Variants in PKP1 observed in about 807,000 individuals in gnomAD.
PKP1 encodes plakophilin-1.
Under a neutral mutation model 76.4 loss-of-function variants are expected in PKP1, and 27 were observed. That is an observed-to-expected ratio of 0.35 (90% CI 0.26 to 0.49). The LOEUF (loss-of-function observed/expected upper bound fraction) is 0.49. Ranked by LOEUF, PKP1 falls within the 20% of genes least tolerant of loss-of-function variation. The pLI, the probability that PKP1 is intolerant of heterozygous loss-of-function variation, is 0.99. For synonymous variants in PKP1, 404 were observed against 384.2 expected (o/e 1.05, Z -0.60); for missense variants, 964 against 955.2 (o/e 1.01, Z -0.12).
Position 201,317,653 on chromosome 1 carries a change from G to C in PKP1, c.928G>C (p.Ala310Pro). 3.1e-6 allele frequency: 5 copies of C among 1,613,994 alleles called. No homozygotes were observed. Among genetic ancestry groups the C allele is most frequent in the Non-Finnish European group, 4.2e-6 (5 of 1,179,982 alleles). Residue 310 changes from alanine to proline, a missense_variant, in exon 5 of 14, where the codon GCC becomes CCC. Physicochemically the swap from Ala to Pro is conservative, Grantham distance 27. Transcript: ENST00000367324. The stretch of plus-strand genomic sequence containing the variant: ...GAACGTCCAGCAGGCCGCGGCAGGG[G>C]CCCTGCGCAACCTGGTGTTCAGGAG... ...NQNVQQAAAG[A>P]LRNLVFRSTT...
intron 2 of PKP1, among the ~76,000 whole-genome samples, chr1:201,306,048 G>T (rs1427074634): frequency 6.6e-6 from 1 of 152,190 alleles, no homozygotes; most frequent in Non-Finnish European, 1.5e-5. Flanking sequence ...GTCTGAAGTG[G>T]CAAACGCCTG....
In PKP1 at chr1:201,331,459, A is replaced by G. The variant is rs994849297; in HGVS notation, c.*1418A>G. On this transcript the variant is annotated 3_prime_UTR_variant, in exon 14 of 14. Coordinates refer to ENST00000367324, the MANE Select transcript of PKP1 (RefSeq NM_001005337.3). Reference sequence around the variant, plus strand: ...AACCTGTGTGGACATCCCTTGGTGTACACTAAGACAGAGCAGAGCCCAGCG... The same window carrying G: ...AACCTGTGTGGACATCCCTTGGTGTGCACTAAGACAGAGCAGAGCCCAGCG... 2.0e-5 allele frequency: 3 copies of G among 152,376 alleles called. No homozygotes were observed. The highest frequency in any genetic ancestry group is 6.5e-5 in the Admixed American group (1 of 15,288). 9.4% of individuals were successfully genotyped at this position (152,376 alleles called of 1,614,324 possible).
intron 2 of PKP1, among the ~76,000 whole-genome samples, chr1:201,295,283 G>T (rs1264142948): frequency 6.6e-5 from 10 of 152,128 alleles, no homozygotes; most frequent in Non-Finnish European, 1.5e-4. Flanking sequence ...TAATTTTGGA[G>T]GCTATGTCTT....
intron 3 of PKP1, among the ~76,000 whole-genome samples, chr1:201,316,026 G>A (rs1656709884): frequency 6.6e-6 from 1 of 151,572 alleles, no homozygotes; most frequent in Non-Finnish European, 1.5e-5. Context: ...CTGGACTTGG[G>A]GATGGATAGA....
Position 201,317,500 on chromosome 1 carries a change from C to G in PKP1, c.847-72C>G, listed in dbSNP as rs1772823. On this transcript the variant is annotated intron_variant, in intron 4 of 13. Transcript: ENST00000367324. Reference sequence around the variant, plus strand: ...TTTTTTGGTCTGAAAAAAAAAATCACCTTTGAGTAGAGAATAACTAGATCA... The same window carrying G: ...TTTTTTGGTCTGAAAAAAAAAATCAGCTTTGAGTAGAGAATAACTAGATCA... The G allele has an allele frequency of 0.89, 1,189,635 of 1,342,914 alleles. 532,434 individuals carry two copies. Among genetic ancestry groups the G allele is most frequent in the East Asian group, 0.98 (41,528 of 42,556 alleles). 83.2% of individuals were successfully genotyped at this position (1,342,914 alleles called of 1,614,324 possible).
rs147633517 is a variant in PKP1 at position 201,317,721 on chromosome 1, C to A, written c.996C>A (p.Arg332=). 1.2e-6 allele frequency: 2 copies of A among 1,613,918 alleles called. No homozygotes were observed. Among genetic ancestry groups the A allele is most frequent in the East Asian group, 2.2e-5 (1 of 44,840 alleles). Residue 332 remains arginine (R), a synonymous_variant, in exon 5 of 14, where the codon CGC becomes CGA. Coordinates refer to ENST00000367324, the MANE Select transcript of PKP1 (RefSeq NM_001005337.3). The part of the protein sequence containing the change: ...KLETRRQNGI[R]EAVSLLRRTG... ...AGACCCGGAGGCAGAATGGGATCCG[C>A]GAGGCAGTCAGCCTCCTGAGGAGAA...
chr1:201,320,533 G>A lies in PKP1; in HGVS notation c.1347+152G>A, dbSNP rs375725192. On this transcript the variant is annotated intron_variant, in intron 7 of 13. Transcript: ENST00000367324. ...GATGCAGGGCTCAGTGGTGGCTACA[G>A]GAGTGGGCTCTGGGGACAGCGTGCC... is the stretch of plus-strand genomic sequence containing the variant. 1.1e-4 allele frequency: 78 copies of A among 691,758 alleles called. No homozygotes were observed. The Middle Eastern group carries it at 1.4e-3, about 12-fold the overall frequency. 42.9% of individuals were successfully genotyped at this position (691,758 alleles called of 1,614,324 possible). A position where few individuals can be genotyped will look rare whatever the true frequency, so the allele number is the denominator to read the frequency against.
At chr1:201,311,626 T>G (rs1196002369) in intron 2 of PKP1, among the ~76,000 whole-genome samples, 1 of 150,412 alleles carries the variant, frequency 6.6e-6, no homozygotes, top group African/African-American at 2.4e-5. Flanking sequence ...CCAGCTTGTG[T>G]GGCTAGATCT....
chr1:201,321,412 C>T (rs1052732091), intron 7 of PKP1, among the ~76,000 whole-genome samples: 3 of 152,232 alleles, frequency 2.0e-5, no homozygotes, highest in East Asian at 3.9e-4. Flanking sequence ...AGCCCAGCTG[C>T]CATGATGAAG....
chr1:201,318,468 A>G (rs1451963734), intron 5 of PKP1, 150 bp from the exon 6 acceptor site: 4 of 690,622 alleles, frequency 5.8e-6, no homozygotes, highest in Non-Finnish European at 1.0e-5. Context: ...CTCATGACAC[A>G]GACAGACAAT....
intron 12 of PKP1, among the ~76,000 whole-genome samples, chr1:201,326,730 C>T (rs1044773506): frequency 6.6e-6 from 1 of 152,188 alleles, no homozygotes; most frequent in African/African-American, 2.4e-5. Context: ...GCCAGAGCTA[C>T]CATACAGAGT....
At position 201,313,289 on chromosome 1, in the gene PKP1, A is replaced by C. The variant is rs770013396; in HGVS notation, c.430A>C (p.Ile144Leu). 4 of 1,602,562 alleles carry C rather than the reference A, an allele frequency of 2.5e-6. No individual in the cohort carries two copies. In the African/African-American group the frequency reaches 5.4e-5, roughly 21 times the overall value. The change falls in exon 3 of 14, where the codon ATC becomes CTC. Residue 144 changes from isoleucine (I) to leucine (L), a missense_variant. Physicochemically the swap from Ile to Leu is conservative, Grantham distance 5. Coordinates refer to ENST00000367324, the MANE Select transcript of PKP1 (RefSeq NM_001005337.3). ...SCNTTGAGSDICFMQKIKASR... is the reference protein window; with the variant it reads ...SCNTTGAGSDLCFMQKIKASR... ...TAACACCACCGGCGCAGGCAGCGAC[A>C]TCTGCTTCATGCAGAAAATCAAGGC...
Position 201,295,887 on chromosome 1 carries a change from GAA to G in PKP1, c.306+1853_306+1854del, listed in dbSNP as rs11432933. ...CTCTTTCGGGGAAGGTGTTTCTAAA[GAA>G]AAAAAAAAAATCTTCATTTGGCCCA... On this transcript the variant is annotated intron_variant, in intron 2 of 13. Coordinates refer to ENST00000367324, the MANE Select transcript of PKP1 (RefSeq NM_001005337.3). Among the ~76,000 whole-genome samples, 167 of 150,810 alleles carry G rather than the reference GAA, an allele frequency of 1.1e-3. 1 individual carries two copies. The highest frequency in any genetic ancestry group is 3.7e-3 in the African/African-American group (153 of 41,000).
At position 201,313,459 on chromosome 1, in the gene PKP1, TG is replaced by T; in HGVS notation, c.601del (p.Val201CysfsTer45). The T allele has an allele frequency of 6.2e-7, 1 of 1,610,904 alleles. No individual in the cohort carries two copies. The highest frequency in any genetic ancestry group is 8.5e-7 in the Non-Finnish European group (1 of 1,178,804). On this transcript the variant is annotated frameshift_variant, in exon 3 of 14. Coordinates refer to ENST00000367324, the MANE Select transcript of PKP1 (RefSeq NM_001005337.3). LOFTEE classifies it high-confidence loss of function. Reference sequence around the variant, plus strand: ...GTCAGAAGGCCATAAAGAAGTGCCCTGTGCGCCCGCCCTCTTGTGCCTCCAA... The same window carrying T: ...GTCAGAAGGCCATAAAGAAGTGCCCTTGCGCCCGCCCTCTTGTGCCTCCAA... ...SGQKAIKKCP[V>X]RPPSCASKQD...
intron 4 of PKP1, 49 bp downstream of exon 4, chr1:201,316,746 G>A (rs1180661677): frequency 1.2e-6 from 2 of 1,606,974 alleles, no homozygotes; most frequent in African/African-American, 1.3e-5. Flanking sequence ...GAGGGCCTGG[G>A]TGTGTCAGCC....
chr1:201,314,001 G>A (rs1261112418), intron 3 of PKP1, among the ~76,000 whole-genome samples: 2 of 152,212 alleles, frequency 1.3e-5, no homozygotes, highest in African/African-American at 4.8e-5. Context: ...TTACACTAGA[G>A]TTTGAGAACC....
intron 2 of PKP1, among the ~76,000 whole-genome samples, chr1:201,300,327 T>C (rs1333179859): frequency 3.3e-5 from 5 of 152,224 alleles, no homozygotes; most frequent in Admixed American, 2.0e-4. Flanking sequence ...AACACTGGTG[T>C]CTGGGTACTC....
chr1:201,322,426 G>A (rs960316113), intron 8 of PKP1, among the ~76,000 whole-genome samples: 1 of 152,142 alleles, frequency 6.6e-6, no homozygotes, highest in African/African-American at 2.4e-5. Context: ...CTGTATAGTG[G>A]GTCAAGTCTC....
chr1:201,308,596 G>A (rs970367916), intron 2 of PKP1, among the ~76,000 whole-genome samples: 1 of 152,206 alleles, frequency 6.6e-6, no homozygotes, highest in African/African-American at 2.4e-5. Context: ...TAGGATTTGG[G>A]AGGCTGCAGG....
Sources: gnomAD v4.1 joint callset for allele counts (sites outside exome capture counted in the v4.1 genomes callset) on GRCh38, gnomAD v4.1.1 for gene constraint, MANE v1.5 for transcripts, NCBI Gene and HGNC (gene_info 2026-07-23, HGNC 2026-07-21) for gene names.